The following TMEM163 variants were observed in gnomAD, a reference collection of about 807,000 sequenced individuals.
The protein encoded by TMEM163 is transmembrane protein 163.
TMEM163 carries 17 observed loss-of-function variants against 29.3 expected under a neutral mutation model. The observed-to-expected ratio is 0.58, with a 90% CI of 0.40 to 0.87. TMEM163 has a LOEUF of 0.87. Ranked by LOEUF, TMEM163 falls within the 40% of genes least tolerant of loss-of-function variation. TMEM163 has a pLI of 0.00. For missense variants in TMEM163, 303 were observed against 381.5 expected, an observed-to-expected ratio of 0.79 and a Z score of 1.71; for synonymous variants, 157 against 160.6, an observed-to-expected ratio of 0.98 and a Z score of 0.17.
At chr2:134,458,704 C>G (rs12105166) in intron 6 of TMEM163, 21,064 of 154,768 alleles carry the variant, frequency 0.14, 1,719 homozygotes, top group Middle Eastern at 0.22. Context: ...AGGTTAAATA[C>G]ATTGATGGAG....
At chr2:134,496,824 T>A (rs902958073) in intron 5 of TMEM163, among the ~76,000 whole-genome samples, 1 of 151,790 alleles carries the variant, frequency 6.6e-6, no homozygotes, top group Non-Finnish European at 1.5e-5. Flanking sequence ...TTGTCCCTCC[T>A]CCTTTGCTCT....
intron 2 of TMEM163, among the ~76,000 whole-genome samples, chr2:134,605,590 C>T (rs1294707287): frequency 3.3e-5 from 5 of 151,688 alleles, no homozygotes; most frequent in Admixed American, 6.6e-5. Flanking sequence ...CCCAGCTATT[C>T]AGGAGGCTGA....
At chr2:134,713,635 TTA>T (rs766553236) in intron 1 of TMEM163, 1 of 502,924 alleles carries the variant, frequency 2.0e-6, no homozygotes, top group Non-Finnish European at 3.9e-6. Context: ...TGCCCCTGTG[TTA>T]TGTTGCTTGG....
At chr2:134,533,576 T>C (rs1019671712) in intron 4 of TMEM163, among the ~76,000 whole-genome samples, 2 of 152,124 alleles carry the variant, frequency 1.3e-5, no homozygotes, top group Non-Finnish European at 2.9e-5. Flanking sequence ...AATGAAAATA[T>C]GTTCATTTTT....
intron 4 of TMEM163, among the ~76,000 whole-genome samples, chr2:134,508,602 A>G (rs1210943020): frequency 6.6e-6 from 1 of 152,156 alleles, no homozygotes; most frequent in African/African-American, 2.4e-5. Flanking sequence ...TCTCTTGTCT[A>G]TCATGCAGAA....
intron 2 of TMEM163, among the ~76,000 whole-genome samples, chr2:134,565,972 G>A (rs1383495886): frequency 1.3e-5 from 2 of 152,184 alleles, no homozygotes; most frequent in Non-Finnish European, 1.5e-5. Context: ...GGCATGAACA[G>A]GTCTTCTCAG....
chr2:134,665,454 C>G (rs1448146357), intron 2 of TMEM163, among the ~76,000 whole-genome samples: 1 of 152,176 alleles, frequency 6.6e-6, no homozygotes, highest in African/African-American at 2.4e-5. Context: ...TACCAGGTCC[C>G]TCCCATGACA....
At chr2:134,544,117 C>T (rs187904597) in intron 4 of TMEM163, among the ~76,000 whole-genome samples, 1 of 152,226 alleles carries the variant, frequency 6.6e-6, no homozygotes, top group Admixed American at 6.5e-5. Context: ...ATGTCAGAGA[C>T]CCCCCAGTGA....
chr2:134,667,662 C>A (rs1683897651), intron 2 of TMEM163, among the ~76,000 whole-genome samples: 1 of 152,172 alleles, frequency 6.6e-6, no homozygotes, highest in Non-Finnish European at 1.5e-5. Flanking sequence ...ATATATGTAA[C>A]CGCTTCTAAA....
intron 2 of TMEM163, among the ~76,000 whole-genome samples, chr2:134,672,860 C>A (rs1684022384): frequency 6.6e-6 from 1 of 152,152 alleles, no homozygotes; most frequent in Non-Finnish European, 1.5e-5. Flanking sequence ...CTACCCTGGA[C>A]TCAGTCCCAA....
chr2:134,578,429 C>G (rs1343889345), intron 2 of TMEM163, among the ~76,000 whole-genome samples: 1 of 152,148 alleles, frequency 6.6e-6, no homozygotes, highest in East Asian at 1.9e-4. Flanking sequence ...AGAAATGTAA[C>G]GCGTGATGTT....
intron 5 of TMEM163, among the ~76,000 whole-genome samples, chr2:134,496,818 C>T (rs1679574314): frequency 6.7e-6 from 1 of 148,300 alleles, no homozygotes. Context: ...TCTTCCTTGT[C>T]CCTCCTCCTT....
chr2:134,568,839 C>T (rs893253458), intron 2 of TMEM163, among the ~76,000 whole-genome samples: 40 of 152,222 alleles, frequency 2.6e-4, no homozygotes, highest in Middle Eastern at 3.4e-3. Context: ...AAGGAGAGTA[C>T]GACCACAAAG....
intron 4 of TMEM163, among the ~76,000 whole-genome samples, chr2:134,516,576 T>TATATATATTC (rs926288343): frequency 1.3e-5 from 2 of 149,206 alleles, no homozygotes; most frequent in South Asian, 2.1e-4. Flanking sequence ...TAAATAAATA[T>TATATATATTC]ATATATATTC....
chr2:134,633,143 G>T (rs1397198536), intron 2 of TMEM163, among the ~76,000 whole-genome samples: 2 of 152,068 alleles, frequency 1.3e-5, no homozygotes, highest in Non-Finnish European at 1.5e-5. Context: ...ATAGAAGAAG[G>T]TTTCTGAGGC....
rs140146207 is a variant in TMEM163, at chr2:134,691,348, G to A, written c.322+21852C>T. ...AGTCAAGTCACTGAGTCTGCCTAGC[G>A]TAGGCACCAAACATCAAGAAGCCCT... On this transcript the variant is annotated intron_variant, in intron 2 of 7. Transcript: ENST00000281924. Among the ~76,000 whole-genome samples, 100 of 152,260 alleles carry A rather than the reference G, an allele frequency of 6.6e-4. No homozygotes were observed. In the East Asian group the frequency reaches 0.015, roughly 23 times the overall value.
intron 5 of TMEM163, among the ~76,000 whole-genome samples, chr2:134,496,731 C>A (rs530694938): frequency 1.3e-5 from 2 of 152,328 alleles, no homozygotes; most frequent in Admixed American, 1.3e-4. Context: ...GGAAGGGGAA[C>A]CTTACTAATT....
chr2:134,713,241 A>G lies in TMEM163; in HGVS notation c.281T>C (p.Phe94Ser). 2 of 1,614,176 alleles carry G rather than the reference A, an allele frequency of 1.2e-6. No individual in the cohort carries two copies. The highest frequency in any genetic ancestry group is 1.1e-5 in the South Asian group (1 of 91,084). ...YRKKALWVSW[F>S]SIIVTLALAV... ...GAGGGCCAGGGTGACAATGATGGAG[A>G]ACCAGGACACCCACAATGCCTTCTT... Residue 94 changes from phenylalanine to serine, a missense_variant, in exon 2 of 8, where the codon TTC (phenylalanine) becomes TCC (serine). This residue lies in a region of TMEM163 where 203 missense variants were observed against 294.3 expected (regional missense o/e 0.69). Transcript: ENST00000281924.
intron 5 of TMEM163, 128 bp downstream of exon 5, chr2:134,502,773 T>G (rs1354028360): frequency 1.4e-5 from 10 of 718,650 alleles, no homozygotes; most frequent in Non-Finnish European, 2.0e-5. Context: ...AACAAGTTCT[T>G]CTGACCCCCA....
Sources: gnomAD v4.1 joint callset for allele counts (sites outside exome capture counted in the v4.1 genomes callset) on GRCh38, gnomAD v4.1.1 for gene constraint, gnomAD v4.1.1 regional missense constraint, MANE v1.5 for transcripts, NCBI Gene and HGNC (gene_info 2026-07-23, HGNC 2026-07-21) for gene names.